AMOTL1: variants seen among roughly 807,000 people sequenced by gnomAD.
AMOTL1 encodes the protein angiomotin like 1, also known as angiomotin-like protein 1.
In AMOTL1, 45 loss-of-function variants were observed where a neutral mutation model predicts 102.9. The ratio of observed to expected loss-of-function variants is 0.44; its 90% CI spans 0.34 to 0.56. The LOEUF is 0.56. AMOTL1 is among the 20% of genes least tolerant of loss of function. AMOTL1 has a pLI of 0.01. For missense variants in AMOTL1, 1,114 were observed against 1,225.6 expected, an observed-to-expected ratio of 0.91 and a Z score of 1.36; for synonymous variants, 481 against 484.7, an observed-to-expected ratio of 0.99 and a Z score of 0.10.
chr11:94,862,076 T>C (rs1363878589), intron 9 of AMOTL1, among the ~76,000 whole-genome samples: 3 of 152,078 alleles, frequency 2.0e-5, no homozygotes, highest in Admixed American at 1.3e-4. Context: ...TTATTTGGAG[T>C]CTTGGATGGG....
chr11:94,748,836 G>C (rs1591926570), intron 3 of AMOTL1, among the ~76,000 whole-genome samples: 2 of 152,278 alleles, frequency 1.3e-5, no homozygotes, highest in South Asian at 4.1e-4. Context: ...AGGGTGGTAA[G>C]AAAGAGAACT....
rs138366546 is a variant in AMOTL1 at position 94,780,285 on chromosome 11, G to A, written c.49+11725G>A. 3.0e-3 allele frequency among the ~76,000 whole-genome samples: 460 copies of A among 152,238 alleles called. 5 individuals are homozygous for A. Among genetic ancestry groups the A allele is most frequent in the African/African-American group, 0.01 (431 of 41,526 alleles). ...GTCTAGTTTCTGATACCTTCTCCAG[G>A]GCCACTTAGCCCTTGACTTGCATGC... On this transcript the variant is annotated intron_variant, in intron 1 of 12. Transcript: ENST00000433060.
At chr11:94,728,915 T>A in intron 1 of AMOTL1, 1 of 1,176,562 alleles carries the variant, frequency 8.5e-7, no homozygotes, top group Non-Finnish European at 1.1e-6. Context: ...TCATTATTTA[T>A]TTCAGGAGAT....
chr11:94,767,600 A>T (rs1225964260), upstream of AMOTL1, among the ~76,000 whole-genome samples: 1 of 152,184 alleles, frequency 6.6e-6, no homozygotes, highest in East Asian at 1.9e-4. Flanking sequence ...AGCCAGGCAG[A>T]AGTGCTATGG....
chr11:94,723,889 G>A (rs1950213877), intron 1 of AMOTL1, among the ~76,000 whole-genome samples: 1 of 152,060 alleles, frequency 6.6e-6, no homozygotes, highest in South Asian at 2.1e-4. Context: ...TGATATGTTT[G>A]GAACTATTTG....
At chr11:94,819,607 G>A (rs957940725) in intron 3 of AMOTL1, among the ~76,000 whole-genome samples, 5 of 152,138 alleles carry the variant, frequency 3.3e-5, no homozygotes, top group Non-Finnish European at 7.4e-5. Flanking sequence ...ACTTGGAGTT[G>A]TCCAGCCTTT....
chr11:94,793,142 C>T (rs1406111490), intron 1 of AMOTL1, among the ~76,000 whole-genome samples: 1 of 152,124 alleles, frequency 6.6e-6, no homozygotes, highest in Non-Finnish European at 1.5e-5. Flanking sequence ...TTTCATTTAA[C>T]ATTCTTAGTC....
chr11:94,783,649 G>A (rs187687674), intron 1 of AMOTL1, among the ~76,000 whole-genome samples: 5 of 152,284 alleles, frequency 3.3e-5, no homozygotes, highest in Non-Finnish European at 7.3e-5. Flanking sequence ...TGAGATGAAT[G>A]TGGGCACTGG....
In AMOTL1 at chr11:94,866,208, A is replaced by C. The variant is rs567985545; in HGVS notation, c.2488+40A>C. ...TCTGTCAGACCATGATTGGAAAAGC[A>C]AGACCAGACAGCTTCTCTGCCACTC... On this transcript the variant is annotated intron_variant, in intron 11 of 12. Coordinates refer to ENST00000433060, the MANE Select transcript of AMOTL1 (RefSeq NM_130847.3). 5.6e-4 allele frequency: 881 copies of C among 1,587,162 alleles called. 6 individuals are homozygous for C. In the South Asian group the frequency reaches 9.2e-3, roughly 17 times the overall value.
chr11:94,799,407 A>C lies in AMOTL1; in HGVS notation c.217A>C (p.Asn73His), dbSNP rs1362805859. 6.3e-7 allele frequency: 1 copy of C among 1,575,792 alleles called. No individual in the cohort carries two copies. The highest frequency in any genetic ancestry group is 1.8e-5 in the Admixed American group (1 of 54,178). The change falls in exon 3 of 13, where the codon AAC (asparagine) becomes CAC (histidine). Residue 73 changes from asparagine (N) to histidine (H), a missense_variant. By Grantham distance (68) the Asn-to-His change is moderately conservative (BLOSUM62 1). Transcript: ENST00000433060. The surrounding 1 kb of genome is among the most constrained non-coding windows in gnomAD (Gnocchi z 4.5). ...TCTTTTAGTTGAAGATCCTCTTTGTAACTTCCACTCCCCAAACTTCCTGAG... is the reference window on the plus strand; with the variant it reads ...TCTTTTAGTTGAAGATCCTCTTTGTCACTTCCACTCCCCAAACTTCCTGAG... Reference protein sequence around the residue: ...REKVVEDPLCNFHSPNFLRIS... With the variant: ...REKVVEDPLCHFHSPNFLRIS...
chr11:94,730,304 C>T (rs1950327568), intron 2 of AMOTL1, among the ~76,000 whole-genome samples: 1 of 152,184 alleles, frequency 6.6e-6, no homozygotes, highest in Admixed American at 6.5e-5. Flanking sequence ...TGAATACATC[C>T]TGCCCTCACA....
intron 9 of AMOTL1, among the ~76,000 whole-genome samples, chr11:94,860,867 G>A (rs1201323126): frequency 6.6e-6 from 1 of 152,166 alleles, no homozygotes; most frequent in Non-Finnish European, 1.5e-5. Flanking sequence ...CTACGAGAAG[G>A]CCTGTTGGGG....
Position 94,783,149 on chromosome 11 carries a change from G to T in AMOTL1, c.50-11862G>T, listed in dbSNP as rs190667585. On this transcript the variant is annotated intron_variant, in intron 1 of 12. Transcript: ENST00000433060. ...AGACTCTAGAGCCAGGCTAGCTGGG[G>T]TTGAATCATAGTTTTATTCTTTACT... 4.7e-3 allele frequency among the ~76,000 whole-genome samples: 715 copies of T among 152,258 alleles called. 15 individuals are homozygous for T. The highest frequency in any genetic ancestry group is 0.016 in the African/African-American group (684 of 41,542).
rs1043660442 is a variant in AMOTL1 at position 94,796,994 on chromosome 11, TA to T, written c.199+1837del. The T allele has an allele frequency of 1.4e-4, 136 of 985,470 alleles. No individual in the cohort carries two copies. In the African/African-American group the frequency reaches 2.0e-3, roughly 14 times the overall value. 61.0% of individuals were successfully genotyped at this position (985,470 alleles called of 1,614,324 possible). On this transcript the variant is annotated intron_variant, in intron 2 of 12. Coordinates refer to ENST00000433060, the MANE Select transcript of AMOTL1 (RefSeq NM_130847.3). ...GAGAAAAACGAGCGTGGCAGTTGAT[TA>T]AATGTGGAGAGCAAAGGATAAAAAG... is the stretch of plus-strand genomic sequence containing the variant.
intron 3 of AMOTL1, among the ~76,000 whole-genome samples, chr11:94,758,162 G>C (rs1432502508): frequency 6.6e-6 from 1 of 152,136 alleles, no homozygotes; most frequent in African/African-American, 2.4e-5. Flanking sequence ...GTTTTTTGAG[G>C]CTTTTGACAC....
At chr11:94,787,111 A>G (rs570568377) in intron 1 of AMOTL1, among the ~76,000 whole-genome samples, 32 of 152,304 alleles carry the variant, frequency 2.1e-4, no homozygotes, top group African/African-American at 7.7e-4. Context: ...CAGTATGCAT[A>G]GAATGCTTGG....
intron 9 of AMOTL1, among the ~76,000 whole-genome samples, chr11:94,860,260 G>C (rs1319196516): frequency 6.6e-6 from 1 of 152,200 alleles, no homozygotes; most frequent in African/African-American, 2.4e-5. Context: ...ATGAGGCTTA[G>C]AGAGGTACAG....
intron 4 of AMOTL1, among the ~76,000 whole-genome samples, chr11:94,825,162 T>G (rs17677478): frequency 0.035 from 5,266 of 152,278 alleles, 112 homozygotes; most frequent in South Asian, 0.053. Flanking sequence ...AGGGCCAGAC[T>G]GTGGGCTGTT....
intron 1 of AMOTL1, among the ~76,000 whole-genome samples, chr11:94,778,930 G>GT (rs1211465825): frequency 1.3e-5 from 2 of 152,208 alleles, no homozygotes; most frequent in African/African-American, 4.8e-5. Context: ...GGTTCCAGGT[G>GT]TGAGTATTCC....
Sources: gnomAD v4.1 joint callset for allele counts (sites outside exome capture counted in the v4.1 genomes callset) on GRCh38, gnomAD v4.1.1 for gene constraint, Gnocchi (gnomAD v3.1) non-coding constraint, MANE v1.5 for transcripts, NCBI Gene and HGNC (gene_info 2026-07-23, HGNC 2026-07-21) for gene names.